Variants in SEPTIN9 observed in about 807,000 individuals in gnomAD.
SEPTIN9 encodes the protein septin-9.
In SEPTIN9, 13 loss-of-function variants were observed where a neutral mutation model predicts 56.6. The ratio of observed to expected loss-of-function variants is 0.23; its 90% CI spans 0.15 to 0.37. The LOEUF (loss-of-function observed/expected upper bound fraction) is 0.37, where lower values mean the gene tolerates loss of function less well. Among genes scored for constraint, SEPTIN9 ranks in the 10% least tolerant of loss-of-function variants. The pLI, the probability that SEPTIN9 is intolerant of heterozygous loss-of-function variation, is 1.00. For synonymous variants in SEPTIN9, 332 were observed against 334.1 expected, an observed-to-expected ratio of 0.99 and a Z score of 0.07; for missense variants, 650 against 823.1, an observed-to-expected ratio of 0.79 and a Z score of 2.57.
chr17:77,472,894 A>G (rs1721284607), intron 3 of SEPTIN9: 1 of 152,228 alleles, frequency 6.6e-6, no homozygotes, highest in African/African-American at 2.4e-5. Flanking sequence ...ACCCACACAC[A>G]TTTGCACAAT....
chr17:77,395,445 C>T (rs1219717485), intron 2 of SEPTIN9, among the ~76,000 whole-genome samples: 7 of 150,024 alleles, frequency 4.7e-5, no homozygotes, highest in South Asian at 2.1e-4. Context: ...AGGAGAATGG[C>T]GTGAACCTGG....
rs534682660 is a variant in SEPTIN9 at position 77,449,147 on chromosome 17, G to A, written c.722-32997G>A. On this transcript the variant is annotated intron_variant, in intron 3 of 11. Coordinates refer to ENST00000427177, the MANE Select transcript of SEPTIN9 (RefSeq NM_001113491.2). This position sits in a 1 kb window ranked among gnomAD's most constrained non-coding sequence, Gnocchi z 4.6. ...AGGTTGCGTCTGTGGCCCATGTGCCGTTTCTGCTGGAGGGTTGGACCGAGG... is the reference window on the plus strand; with the variant it reads ...AGGTTGCGTCTGTGGCCCATGTGCCATTTCTGCTGGAGGGTTGGACCGAGG... Among the ~76,000 whole-genome samples the A allele has an allele frequency of 2.6e-5, 4 of 152,242 alleles. No individual in the cohort carries two copies. The highest frequency in any genetic ancestry group is 1.3e-4 in the Admixed American group (2 of 15,296).
intron 1 of SEPTIN9, among the ~76,000 whole-genome samples, chr17:77,289,860 A>G (rs914255783): frequency 6.6e-6 from 1 of 152,226 alleles, no homozygotes; most frequent in Non-Finnish European, 1.5e-5. Context: ...AACTTCAACA[A>G]TCATTGGCTG....
chr17:77,405,166 C>A lies in SEPTIN9; in HGVS notation c.721+2463C>A. ...GTAGGGGGATGTCCATGGGGATGTA[C>A]AAGAACATTCTCCTCCAGGGGCAGA... On this transcript the variant is annotated intron_variant, in intron 3 of 11. Transcript: ENST00000427177. This position sits in a 1 kb window ranked among gnomAD's most constrained non-coding sequence, Gnocchi z 5.8. 2 of 1,516,388 alleles carry A rather than the reference C, an allele frequency of 1.3e-6. No individual in the cohort carries two copies. Among genetic ancestry groups the A allele is most frequent in the South Asian group, 2.4e-5 (2 of 83,612 alleles). The allele number at this position is 1,516,388 out of a possible 1,614,324, so 93.9% of individuals were successfully genotyped here.
chr17:77,476,724 G>T lies in SEPTIN9; in HGVS notation c.722-5420G>T, dbSNP rs1187711691. Among the ~76,000 whole-genome samples, 4 of 152,196 alleles carry T rather than the reference G, an allele frequency of 2.6e-5. No homozygotes were observed. The highest frequency in any genetic ancestry group is 5.9e-5 in the Non-Finnish European group (4 of 68,024). ...TGGGAACCTGCAGAGAAACTGTCAA[G>T]GTCTCCCGCCACCTGACACCTCCGC... On this transcript the variant is annotated intron_variant, in intron 3 of 11. Coordinates refer to ENST00000427177, the MANE Select transcript of SEPTIN9 (RefSeq NM_001113491.2). This position sits in a 1 kb window ranked among gnomAD's most constrained non-coding sequence, Gnocchi z 6.0.
At chr17:77,460,361 C>CTGTGGTG (rs2038413158) in intron 3 of SEPTIN9, among the ~76,000 whole-genome samples, 1 of 152,226 alleles carries the variant, frequency 6.6e-6, no homozygotes, top group East Asian at 1.9e-4. Context: ...TCACAGCTCA[C>CTGTGGTG]CGTGGTGCTC....
chr17:77,475,515 C>T lies in SEPTIN9; in HGVS notation c.722-6629C>T. 1.2e-6 allele frequency: 2 copies of T among 1,610,364 alleles called. No homozygotes were observed. Among genetic ancestry groups the T allele is most frequent in the East Asian group, 2.2e-5 (1 of 44,860 alleles). The stretch of plus-strand genomic sequence containing the variant: ...TGTTAGTTTATAGGACCTGAAGTGC[C>T]CCCATGGGCTCAAGTTTCTGGGAAG... On this transcript the variant is annotated intron_variant, in intron 3 of 11. Coordinates refer to ENST00000427177, the MANE Select transcript of SEPTIN9 (RefSeq NM_001113491.2). The surrounding 1 kb of genome is among the most constrained non-coding windows in gnomAD (Gnocchi z 4.6).
intron 3 of SEPTIN9, among the ~76,000 whole-genome samples, chr17:77,455,995 G>A (rs1331280672): frequency 6.6e-6 from 1 of 152,172 alleles, no homozygotes; most frequent in African/African-American, 2.4e-5. Context: ...TGCCCTGGAA[G>A]ATTCCCGGCA....
rs2037032342 is a variant in SEPTIN9, at chr17:77,429,200, T to C, written c.721+26497T>C. The C allele has an allele frequency of 2.1e-6, 1 of 471,746 alleles. No individual in the cohort carries two copies. Among genetic ancestry groups the C allele is most frequent in the Non-Finnish European group, 4.4e-6 (1 of 227,414 alleles). 29.2% of individuals were successfully genotyped at this position (471,746 alleles called of 1,614,324 possible). A position where few individuals can be genotyped will look rare whatever the true frequency, so the allele number is the denominator to read the frequency against. On this transcript the variant is annotated intron_variant, in intron 3 of 11. Transcript: ENST00000427177. This position sits in a 1 kb window ranked among gnomAD's most constrained non-coding sequence, Gnocchi z 5.2. ...CCAAGGCTGAGGCCGAGGCTGAGGCTGAGGCCACCTTGGTGAGGAGGAAAT... is the reference window on the plus strand; with the variant it reads ...CCAAGGCTGAGGCCGAGGCTGAGGCCGAGGCCACCTTGGTGAGGAGGAAAT...
rs2037880769 is a variant in SEPTIN9, at chr17:77,449,396, C to T, written c.722-32748C>T. ...CAAAGCACCCAGGATGCTGGCCTCC[C>T]AGCTCAGGAATCCAGAGGCAGAGGA... On this transcript the variant is annotated intron_variant, in intron 3 of 11. Transcript: ENST00000427177. This position sits in a 1 kb window ranked among gnomAD's most constrained non-coding sequence, Gnocchi z 4.6. 6.6e-6 allele frequency among the ~76,000 whole-genome samples: 1 copy of T among 152,194 alleles called. No homozygotes were observed. The highest frequency in any genetic ancestry group is 6.5e-5 in the Admixed American group (1 of 15,284).
chr17:77,432,198 A>G (rs1408707559), intron 3 of SEPTIN9, among the ~76,000 whole-genome samples: 1 of 152,164 alleles, frequency 6.6e-6, no homozygotes, highest in African/African-American at 2.4e-5. Flanking sequence ...ACGCTCAACT[A>G]TGTTCCCCTC....
intron 3 of SEPTIN9, among the ~76,000 whole-genome samples, chr17:77,440,660 G>C (rs1013586407): frequency 1.3e-5 from 2 of 152,264 alleles, no homozygotes; most frequent in African/African-American, 4.8e-5. Flanking sequence ...GAAGCAGGGA[G>C]AAGAGGCAGG....
intron 4 of SEPTIN9, chr17:77,482,853 T>G: frequency 2.4e-6 from 1 of 418,888 alleles, no homozygotes; most frequent in East Asian, 4.2e-5. Flanking sequence ...CAGCACGACC[T>G]GGGCAGGGTG....
At chr17:77,298,390 A>G (rs950176714) in intron 1 of SEPTIN9, among the ~76,000 whole-genome samples, 18 of 152,200 alleles carry the variant, frequency 1.2e-4, no homozygotes, top group Admixed American at 6.5e-4. Flanking sequence ...GCCACGGGCC[A>G]GGACACTTTC....
At chr17:77,283,184 AAAG>A (rs1348869760) in intron 1 of SEPTIN9, among the ~76,000 whole-genome samples, 2 of 151,068 alleles carry the variant, frequency 1.3e-5, no homozygotes, top group Non-Finnish European at 2.9e-5. Flanking sequence ...TTTTTAAAAA[AAAG>A]GACAGAACCT....
At chr17:77,364,603 G>T (rs961355972) in intron 2 of SEPTIN9, among the ~76,000 whole-genome samples, 2 of 152,208 alleles carry the variant, frequency 1.3e-5, no homozygotes, top group Non-Finnish European at 2.9e-5. Context: ...GGAGAGGGGG[G>T]CAGGAAGAGA....
At chr17:77,381,119 T>TGGCACCTCCTTGTGGGACCC (rs1304103594) in intron 2 of SEPTIN9, among the ~76,000 whole-genome samples, 2 of 152,174 alleles carry the variant, frequency 1.3e-5, no homozygotes, top group African/African-American at 4.8e-5. Flanking sequence ...CTGGGGGTCC[T>TGGCACCTCCTTGTGGGACCC]GGCACCTCCT....
At chr17:77,296,605 CACA>C (rs2031824778) in intron 1 of SEPTIN9, among the ~76,000 whole-genome samples, 10 of 152,190 alleles carry the variant, frequency 6.6e-5, no homozygotes, top group Admixed American at 5.2e-4. Flanking sequence ...TAATAACCAG[CACA>C]TTGGTAGGCT....
intron 10 of SEPTIN9, chr17:77,497,088 CCAGGAG>C: frequency 3.2e-6 from 2 of 622,084 alleles, no homozygotes; most frequent in Admixed American, 2.4e-5. Context: ...GCTGAGCTGT[CCAGGAG>C]CAGGAGCTGG....
Sources: gnomAD v4.1 joint callset for allele counts (sites outside exome capture counted in the v4.1 genomes callset) on GRCh38, gnomAD v4.1.1 for gene constraint, Gnocchi (gnomAD v3.1) non-coding constraint, MANE v1.5 for transcripts, NCBI Gene and HGNC (gene_info 2026-07-23, HGNC 2026-07-21) for gene names.